Variants in TOM1L2 observed in about 807,000 individuals in gnomAD.
TOM1L2 encodes target of myb1 like 2 membrane trafficking protein, also known as TOM1-like protein 2.
In TOM1L2, 31 loss-of-function variants were observed where a neutral mutation model predicts 67.9. The ratio of observed to expected loss-of-function variants is 0.46; its 90% CI spans 0.34 to 0.62. The LOEUF (loss-of-function observed/expected upper bound fraction) is 0.62, where lower values mean the gene tolerates loss of function less well. Among genes scored for constraint, TOM1L2 ranks in the 20% least tolerant of loss-of-function variants. The pLI is 0.01. For missense variants in TOM1L2, 606 were observed against 663.5 expected, an observed-to-expected ratio of 0.91 and a Z score of 0.95; for synonymous variants, 256 against 254.0, an observed-to-expected ratio of 1.01 and a Z score of -0.07.
intron 3 of TOM1L2, among the ~76,000 whole-genome samples, chr17:17,896,245 G>C (rs991535166): frequency 6.6e-6 from 1 of 152,130 alleles, no homozygotes; most frequent in African/African-American, 2.4e-5. Flanking sequence ...TCCCAACTCA[G>C]GCAGTGGGGT....
At chr17:17,877,040 C>T (rs2037460770) in intron 7 of TOM1L2, among the ~76,000 whole-genome samples, 1 of 152,244 alleles carries the variant, frequency 6.6e-6, no homozygotes, top group African/African-American at 2.4e-5. Flanking sequence ...TCCTTCTCCT[C>T]AGGCGCTCCA....
intron 1 of TOM1L2, among the ~76,000 whole-genome samples, chr17:17,947,245 A>G (rs1031371094): frequency 1.3e-5 from 2 of 151,528 alleles, no homozygotes; most frequent in African/African-American, 4.9e-5. Flanking sequence ...GCTGGTCTTG[A>G]ACTCCTGGGC....
At chr17:17,970,232 T>C (rs2042016623) in intron 1 of TOM1L2, among the ~76,000 whole-genome samples, 1 of 151,954 alleles carries the variant, frequency 6.6e-6, no homozygotes, top group Non-Finnish European at 1.5e-5. Context: ...TTTTCTTTTT[T>C]TTTTTGGATT....
intron 3 of TOM1L2, among the ~76,000 whole-genome samples, chr17:17,896,109 C>T (rs1389468031): frequency 6.6e-6 from 1 of 152,016 alleles, no homozygotes. Flanking sequence ...TTCTGGTAAC[C>T]GTGAGGTAAT....
chr17:17,865,756 T>G (rs990481512), intron 10 of TOM1L2, among the ~76,000 whole-genome samples: 2 of 148,182 alleles, frequency 1.3e-5, no homozygotes, highest in Non-Finnish European at 3.0e-5. Flanking sequence ...TTTTTTTTTT[T>G]TTTTTTGAGA....
At chr17:17,883,399 G>A (rs895673603) in intron 5 of TOM1L2, among the ~76,000 whole-genome samples, 1 of 152,160 alleles carries the variant, frequency 6.6e-6, no homozygotes, top group Non-Finnish European at 1.5e-5. Context: ...AAAGCATAGC[G>A]CGTGGTCTGG....
At chr17:17,912,325 C>T (rs1185403859) in intron 1 of TOM1L2, among the ~76,000 whole-genome samples, 1,965 of 148,796 alleles carry the variant, frequency 0.013, 5 homozygotes, top group African/African-American at 0.041. Flanking sequence ...GGCTGCCGGG[C>T]GGAGACGCTC....
At chr17:17,914,517 G>A (rs908949688) in intron 1 of TOM1L2, among the ~76,000 whole-genome samples, 1 of 152,198 alleles carries the variant, frequency 6.6e-6, no homozygotes, top group Non-Finnish European at 1.5e-5. Context: ...GAGGGGGTAT[G>A]GCATCTCTGG....
chr17:17,851,666 T>G (rs941904798), intron 12 of TOM1L2, among the ~76,000 whole-genome samples: 2 of 152,166 alleles, frequency 1.3e-5, no homozygotes, highest in African/African-American at 4.8e-5. Flanking sequence ...TGTGTCTCTT[T>G]AGGGGAAATT....
At chr17:17,951,948 A>C (rs1416135976) in intron 1 of TOM1L2, among the ~76,000 whole-genome samples, 4 of 152,186 alleles carry the variant, frequency 2.6e-5, no homozygotes, top group Admixed American at 2.6e-4. Context: ...TTTAGAGGGC[A>C]ATTTGGCAGT....
At chr17:17,956,698 G>T (rs1400957478) in intron 1 of TOM1L2, among the ~76,000 whole-genome samples, 2 of 152,206 alleles carry the variant, frequency 1.3e-5, no homozygotes, top group African/African-American at 4.8e-5. Flanking sequence ...CGGCACTGCT[G>T]GGGGAATGGC....
At chr17:17,849,323 C>T (rs566875974) in intron 13 of TOM1L2, among the ~76,000 whole-genome samples, 1 of 152,334 alleles carries the variant, frequency 6.6e-6, no homozygotes, top group East Asian at 1.9e-4. Context: ...ACGCTGTTGA[C>T]ACCAATAGCT....
intron 1 of TOM1L2, among the ~76,000 whole-genome samples, chr17:17,943,918 C>T (rs2040836915): frequency 6.6e-6 from 1 of 152,204 alleles, no homozygotes; most frequent in Non-Finnish European, 1.5e-5. Flanking sequence ...GTTCTCTCTT[C>T]CTTGCACATC....
chr17:17,847,525 A>G lies in TOM1L2; in HGVS notation c.*110T>C. 1 of 1,411,696 alleles carries G rather than the reference A, an allele frequency of 7.1e-7. No individual in the cohort carries two copies. Among genetic ancestry groups the G allele is most frequent in the Non-Finnish European group, 9.5e-7 (1 of 1,055,434 alleles). The allele number at this position is 1,411,696 out of a possible 1,614,324, so 87.4% of individuals were successfully genotyped here. ...CAGACACGGTGGCATTTCCATGGAA[A>G]CACAGGTGTGCAGGCCGTGTGGAGC... On this transcript the variant is annotated 3_prime_UTR_variant, in exon 15 of 15. Coordinates refer to ENST00000379504, the MANE Select transcript of TOM1L2 (RefSeq NM_001082968.2).
chr17:17,879,632 G>C lies in TOM1L2; in HGVS notation c.772C>G (p.Leu258Val), dbSNP rs766168764. The C allele has an allele frequency of 1.9e-6, 3 of 1,613,258 alleles. No individual in the cohort carries two copies. Among genetic ancestry groups the C allele is most frequent in the Admixed American group, 3.3e-5 (2 of 60,006 alleles). ...GCTTCTGAAAGATGACTCACCTGCA[G>C]CAACTCCAGATCAGATGAATCCTCC... Reference protein sequence around the residue: ...GQEDSSDLELLQELNRTCRAM... With the variant: ...GQEDSSDLELVQELNRTCRAM... The change falls in exon 7 of 15, where the codon CTG becomes GTG. Residue 258 changes from leucine (L) to valine (V), a missense_variant. This residue lies in a region of TOM1L2 where 543 missense variants were observed against 554.0 expected (regional missense o/e 0.98). Coordinates refer to ENST00000379504, the MANE Select transcript of TOM1L2 (RefSeq NM_001082968.2).
intron 3 of TOM1L2, 76 bp from the exon 4 acceptor site, chr17:17,893,886 G>A (rs2038421928): frequency 1.4e-6 from 2 of 1,459,546 alleles, no homozygotes; most frequent in African/African-American, 1.4e-5. Flanking sequence ...GAGCGCAGCT[G>A]AGTTTCCACC....
intron 2 of TOM1L2, among the ~76,000 whole-genome samples, chr17:17,903,349 C>G (rs184467300): frequency 6.6e-6 from 1 of 152,128 alleles, no homozygotes; most frequent in African/African-American, 2.4e-5. Context: ...ATTGGCTGGG[C>G]GCGGTGGCTC....
chr17:17,913,291 T>C (rs889099755), intron 1 of TOM1L2, among the ~76,000 whole-genome samples: 1 of 142,118 alleles, frequency 7.0e-6, no homozygotes, highest in Non-Finnish European at 1.5e-5. Context: ...GAGCTGGATT[T>C]CAAAGCTTCA....
At chr17:17,909,928 C>T (rs973775836) in intron 1 of TOM1L2, among the ~76,000 whole-genome samples, 3 of 152,094 alleles carry the variant, frequency 2.0e-5, no homozygotes, top group Non-Finnish European at 2.9e-5. Flanking sequence ...ACTAATGAGG[C>T]TGAGGCAGGA....
Sources: allele counts gnomAD v4.1 joint callset (sites outside exome capture counted in the v4.1 genomes callset), GRCh38; gene constraint gnomAD v4.1.1; regional missense constraint gnomAD v4.1.1; transcripts MANE v1.5; gene names NCBI Gene and HGNC (gene_info 2026-07-23, HGNC 2026-07-21).